EIF4E: variants seen among roughly 807,000 people sequenced by gnomAD.
EIF4E encodes the protein eIF-4F 25 kDa subunit.
For synonymous variants in EIF4E, 71 were observed against 88.5 expected, an observed-to-expected ratio of 0.80 and a Z score of 1.11; for missense variants, 113 against 265.6, an observed-to-expected ratio of 0.43 and a Z score of 3.99.
chr4:98,904,494 G>T (rs1724782885), intron 1 of EIF4E, among the ~76,000 whole-genome samples: 1 of 152,150 alleles, frequency 6.6e-6, no homozygotes, highest in Non-Finnish European at 1.5e-5. Context: ...TAATCGGCCG[G>T]GCATGGTGGC....
intron 1 of EIF4E, among the ~76,000 whole-genome samples, chr4:98,924,623 T>C (rs1472016035): frequency 6.6e-6 from 1 of 152,088 alleles, no homozygotes; most frequent in African/African-American, 2.4e-5. Flanking sequence ...TGATGGAGTC[T>C]TGCTCTGTCG....
chr4:98,880,801 G>C lies in EIF4E; in HGVS notation c.*227C>G, dbSNP rs1723647934. The C allele has an allele frequency of 5.8e-6, 4 of 690,144 alleles. No individual in the cohort carries two copies. In the South Asian group the frequency reaches 8.1e-5, roughly 14 times the overall value. The allele number at this position is 690,144 out of a possible 1,614,324, so 42.8% of individuals were successfully genotyped here. ...TTTATGGATTCTGGGGATGTGTACT[G>C]TAATTCTTTGATTGGGATAGTGGAA... On this transcript the variant is annotated 3_prime_UTR_variant, in exon 7 of 7. Transcript: ENST00000450253.
chr4:98,883,320 C>T (rs1269614910), intron 6 of EIF4E, among the ~76,000 whole-genome samples: 2 of 150,894 alleles, frequency 1.3e-5, no homozygotes, highest in African/African-American at 2.4e-5. Context: ...TTTGAAAAAT[C>T]ACAAAGGGGC....
intron 1 of EIF4E, among the ~76,000 whole-genome samples, chr4:98,911,399 C>T (rs1215668593): frequency 1.3e-5 from 2 of 149,284 alleles, no homozygotes; most frequent in Admixed American, 6.6e-5. Flanking sequence ...CTGGCTCACA[C>T]CTGTAATCCC....
chr4:98,928,954 G>C, intron 1 of EIF4E, 141 bp downstream of exon 1: 1 of 1,578,346 alleles, frequency 6.3e-7, no homozygotes, highest in Non-Finnish European at 8.6e-7. Flanking sequence ...ACTTGTCCGC[G>C]GGAGGTCAGG....
chr4:98,909,095 A>T (rs1243750494), intron 1 of EIF4E, among the ~76,000 whole-genome samples: 1 of 152,200 alleles, frequency 6.6e-6, no homozygotes, highest in East Asian at 1.9e-4. Flanking sequence ...GACTGCCAAT[A>T]AACTAGTAAA....
chr4:98,927,823 C>T (rs550953710), intron 1 of EIF4E, among the ~76,000 whole-genome samples: 1 of 152,044 alleles, frequency 6.6e-6, no homozygotes, highest in Non-Finnish European at 1.5e-5. Flanking sequence ...GCTAATAAAC[C>T]CCATTATGCA....
At chr4:98,912,056 C>A (rs1725167372) in intron 1 of EIF4E, among the ~76,000 whole-genome samples, 1 of 151,646 alleles carries the variant, frequency 6.6e-6, no homozygotes, top group Non-Finnish European at 1.5e-5. Flanking sequence ...AGTTCAAGAC[C>A]CACATGACTA....
chr4:98,907,665 C>G (rs1207127632), intron 1 of EIF4E, among the ~76,000 whole-genome samples: 1 of 152,188 alleles, frequency 6.6e-6, no homozygotes, highest in African/African-American at 2.4e-5. Context: ...AACAAGACAG[C>G]CTGGATCCAC....
chr4:98,912,248 G>A (rs1002803627), intron 1 of EIF4E, among the ~76,000 whole-genome samples: 52 of 142,242 alleles, frequency 3.7e-4, no homozygotes, highest in South Asian at 2.0e-3. Flanking sequence ...GCAAAACTCC[G>A]TCTCGAAAAA....
intron 6 of EIF4E, 76 bp downstream of exon 6, chr4:98,884,846 A>G (rs1723849812): frequency 2.6e-6 from 4 of 1,568,524 alleles, no homozygotes; most frequent in Non-Finnish European, 2.6e-6. Context: ...AAGTATTTCT[A>G]AAGCTACAAA....
chr4:98,928,460 G>A (rs976952432), intron 1 of EIF4E, among the ~76,000 whole-genome samples: 1 of 151,962 alleles, frequency 6.6e-6, no homozygotes, highest in Non-Finnish European at 1.5e-5. Context: ...ACTCTCCGGC[G>A]CGCTGGATTA....
chr4:98,910,164 C>T (rs1725057181), intron 1 of EIF4E, among the ~76,000 whole-genome samples: 2 of 152,070 alleles, frequency 1.3e-5, no homozygotes, highest in Non-Finnish European at 1.5e-5. Flanking sequence ...GAAAGTGTGG[C>T]TGTGGATTTT....
At chr4:98,924,226 G>A (rs1223518974) in intron 1 of EIF4E, among the ~76,000 whole-genome samples, 9 of 151,880 alleles carry the variant, frequency 5.9e-5, no homozygotes, top group Admixed American at 3.3e-4. Context: ...TTACAAGCAC[G>A]CATCACCACG....
Position 98,887,206 on chromosome 4 carries a change from A to G in EIF4E, c.286-14T>C. 6.2e-7 allele frequency: 1 copy of G among 1,611,174 alleles called. No homozygotes were observed. The highest frequency in any genetic ancestry group is 8.5e-7 in the Non-Finnish European group (1 of 1,177,362). ...CTCAATACCATCCTACAGGGTTAGA[A>G]GACAACAGTATTACACAACATTGTT... On this transcript the variant is annotated splice_polypyrimidine_tract_variant and intron_variant, in intron 4 of 6. Coordinates refer to ENST00000450253, the MANE Select transcript of EIF4E (RefSeq NM_001968.5). The surrounding 1 kb of genome is among the most constrained non-coding windows in gnomAD (Gnocchi z 4.0).
At chr4:98,928,918 C>A (rs1409744121) in intron 1 of EIF4E, 177 bp downstream of exon 1, 1 of 1,569,056 alleles carries the variant, frequency 6.4e-7, no homozygotes, top group South Asian at 1.2e-5. Context: ...CTACACGCCG[C>A]CTCGGCCATC....
intron 1 of EIF4E, among the ~76,000 whole-genome samples, chr4:98,904,929 G>A (rs1295618724): frequency 6.6e-6 from 1 of 151,684 alleles, no homozygotes; most frequent in Non-Finnish European, 1.5e-5. Context: ...TAAAACGAAT[G>A]ATGTGAAATA....
At chr4:98,928,315 T>C (rs928693851) in intron 1 of EIF4E, among the ~76,000 whole-genome samples, 23 of 151,908 alleles carry the variant, frequency 1.5e-4, no homozygotes, top group Admixed American at 6.6e-4. Context: ...GTCCCAAGCA[T>C]GGAGGGGCGA....
chr4:98,914,218 T>C (rs534410802), intron 1 of EIF4E, among the ~76,000 whole-genome samples: 2 of 151,694 alleles, frequency 1.3e-5, no homozygotes, highest in South Asian at 4.2e-4. Context: ...TAGCCAGGCG[T>C]GGTGGCGCAT....
Sources: gnomAD v4.1 joint callset for allele counts (sites outside exome capture counted in the v4.1 genomes callset) on GRCh38, gnomAD v4.1.1 for gene constraint, Gnocchi (gnomAD v3.1) non-coding constraint, MANE v1.5 for transcripts, NCBI Gene and HGNC (gene_info 2026-07-23, HGNC 2026-07-21) for gene names.